Variants in SAP30BP observed in about 807,000 individuals in gnomAD.
The protein encoded by SAP30BP is SAP30 binding protein.
A neutral mutation model predicts 46.3 loss-of-function variants in SAP30BP; 31 were observed. The observed-to-expected ratio is 0.67, with a 90% CI of 0.50 to 0.90. The LOEUF (loss-of-function observed/expected upper bound fraction) is 0.90, where lower values mean the gene tolerates loss of function less well. Ranked by LOEUF, SAP30BP falls within the 40% of genes least tolerant of loss-of-function variation. SAP30BP has a pLI of 0.00. For synonymous variants in SAP30BP, 169 were observed against 144.2 expected, an observed-to-expected ratio of 1.17 and a Z score of -1.23; for missense variants, 312 against 391.0, an observed-to-expected ratio of 0.80 and a Z score of 1.70.
At chr17:75,687,917 G>GGGGTGTGTGT (rs557349211) in intron 3 of SAP30BP, among the ~76,000 whole-genome samples, 5 of 120,366 alleles carry the variant, frequency 4.2e-5, no homozygotes, top group African/African-American at 1.2e-4. Context: ...CAGTGTTTGG[G>GGGGTGTGTGT]GTGTGTGTGT....
chr17:75,691,598 G>A (rs370413186), intron 3 of SAP30BP: 3 of 414,052 alleles, frequency 7.2e-6, no homozygotes, highest in Non-Finnish European at 4.8e-6. Flanking sequence ...CTTTGGGGTA[G>A]ACATGGTAGA....
chr17:75,695,512 A>T (rs1329670037), intron 4 of SAP30BP, among the ~76,000 whole-genome samples: 2 of 152,160 alleles, frequency 1.3e-5, no homozygotes, highest in African/African-American at 2.4e-5. Flanking sequence ...TTACTGATTC[A>T]CCCATGAGGA....
chr17:75,673,169 A>C (rs1441253229), intron 3 of SAP30BP, among the ~76,000 whole-genome samples: 1 of 152,184 alleles, frequency 6.6e-6, no homozygotes, highest in Non-Finnish European at 1.5e-5. Context: ...TGAGTGAGAA[A>C]GATAAGAGTG....
intron 7 of SAP30BP, 178 bp downstream of exon 7, chr17:75,703,549 T>C (rs1337714014): frequency 1.5e-6 from 1 of 651,484 alleles, no homozygotes; most frequent in Non-Finnish European, 2.7e-6. Context: ...ATAAAGAGAT[T>C]CCGGTGGCCG....
In SAP30BP at chr17:75,706,327, G is replaced by A; in HGVS notation, c.746-13G>A. The A allele has an allele frequency of 6.2e-7, 1 of 1,610,874 alleles. No individual in the cohort carries two copies. Among genetic ancestry groups the A allele is most frequent in the Non-Finnish European group, 8.5e-7 (1 of 1,179,128 alleles). ...TTGGTGGATCGTGATCCTGATTTCT[G>A]CTTTATCTCCAGATGCTCAGAAGAG... On this transcript the variant is annotated splice_polypyrimidine_tract_variant and intron_variant, in intron 10 of 10. Coordinates refer to ENST00000584667, the MANE Select transcript of SAP30BP (RefSeq NM_013260.8). The surrounding 1 kb of genome is among the most constrained non-coding windows in gnomAD (Gnocchi z 4.6).
Position 75,706,377 on chromosome 17 carries a change from C to T in SAP30BP, c.783C>T (p.Ile261=). The T allele has an allele frequency of 6.2e-7, 1 of 1,614,038 alleles. No individual in the cohort carries two copies. Among genetic ancestry groups the T allele is most frequent in the Non-Finnish European group, 8.5e-7 (1 of 1,180,032 alleles). ...QKRKSKWDSA[I]PVTTIAQPTI... is the part of the protein sequence containing the mutation. ...GAAAGAGCAAGTGGGATTCGGCTAT[C>T]CCAGTGACAACGATAGCCCAGCCCA... is the stretch of plus-strand genomic sequence containing the variant. Residue 261 remains isoleucine (I), a synonymous_variant, in exon 11 of 11, where the codon ATC becomes ATT. Transcript: ENST00000584667. The surrounding 1 kb of genome is among the most constrained non-coding windows in gnomAD (Gnocchi z 4.6).
intron 4 of SAP30BP, among the ~76,000 whole-genome samples, chr17:75,695,321 T>A (rs1340623382): frequency 6.6e-6 from 1 of 152,214 alleles, no homozygotes; most frequent in Non-Finnish European, 1.5e-5. Context: ...CATTGCCAAA[T>A]GTCCCCTTGG....
intron 4 of SAP30BP, among the ~76,000 whole-genome samples, chr17:75,695,512 A>G (rs1329670037): frequency 6.6e-6 from 1 of 152,160 alleles, no homozygotes; most frequent in Non-Finnish European, 1.5e-5. Context: ...TTACTGATTC[A>G]CCCATGAGGA....
chr17:75,680,439 C>G (rs1204015836), intron 3 of SAP30BP, among the ~76,000 whole-genome samples: 2 of 152,180 alleles, frequency 1.3e-5, no homozygotes, highest in African/African-American at 4.8e-5. Flanking sequence ...CTGGGTTGTG[C>G]CCTGGCCTGG....
intron 3 of SAP30BP, among the ~76,000 whole-genome samples, chr17:75,672,586 C>T (rs1051482412): frequency 6.6e-6 from 1 of 151,974 alleles, no homozygotes; most frequent in African/African-American, 2.4e-5. Flanking sequence ...GGAAAAACTT[C>T]CCCCCTGTAC....
intron 6 of SAP30BP, 38 bp downstream of exon 6, chr17:75,702,609 T>C (rs749009121): frequency 1.5e-5 from 16 of 1,047,884 alleles, no homozygotes; most frequent in African/African-American, 4.7e-5. Flanking sequence ...TATTGAGTTA[T>C]TAATGTTGGA....
chr17:75,684,252 C>G (rs1415138727), intron 3 of SAP30BP, among the ~76,000 whole-genome samples: 1 of 152,204 alleles, frequency 6.6e-6, no homozygotes, highest in African/African-American at 2.4e-5. Flanking sequence ...TAATGTCTAC[C>G]TCATAGGGTT....
At chr17:75,669,121 T>G (rs556236782) in intron 2 of SAP30BP, among the ~76,000 whole-genome samples, 58 of 152,224 alleles carry the variant, frequency 3.8e-4, no homozygotes, top group Middle Eastern at 6.8e-3. Context: ...CTGTCCAGAT[T>G]GGAGTGCAGT....
chr17:75,672,762 G>C (rs1287989013), intron 3 of SAP30BP, among the ~76,000 whole-genome samples: 1 of 152,068 alleles, frequency 6.6e-6, no homozygotes, highest in South Asian at 2.1e-4. Flanking sequence ...TTCAAGACCA[G>C]CCTGGCCAGT....
rs1287087489 is a variant in SAP30BP, at chr17:75,674,690, G to GTTTTTTTTTTTTTTTTTT, written c.264+2833_264+2834insTTTTTTTTTTTTTTTTTT. Among the ~76,000 whole-genome samples the GTTTTTTTTTTTTTTTTTT allele has an allele frequency of 1.2e-3, 49 of 39,574 alleles. 8 individuals are homozygous for GTTTTTTTTTTTTTTTTTT. Among genetic ancestry groups the GTTTTTTTTTTTTTTTTTT allele is most frequent in the African/African-American group, 3.0e-3 (46 of 15,108 alleles). The allele number at this position is 39,574 out of a possible 152,430, so 26.0% of individuals were successfully genotyped here. A position where few individuals can be genotyped will look rare whatever the true frequency, so the allele number is the denominator to read the frequency against. On this transcript the variant is annotated intron_variant, in intron 3 of 10. Transcript: ENST00000584667. ...TTAAGCATATGAAGTTTTTTTGTTTGTTTTTTGTTTTTTTTTTTTTTTTTT... is the reference window on the plus strand; with the variant it reads ...TTAAGCATATGAAGTTTTTTTGTTTGTTTTTTTTTTTTTTTTTTTTTTTTGTTTTTTTTTTTTTTTTTT...
chr17:75,690,401 TG>T (rs2060224364), intron 3 of SAP30BP, among the ~76,000 whole-genome samples: 1 of 152,224 alleles, frequency 6.6e-6, no homozygotes, highest in African/African-American at 2.4e-5. Flanking sequence ...AAAGCAGCTC[TG>T]GGGTATTTCA....
intron 3 of SAP30BP, chr17:75,690,590 A>G (rs2060227086): frequency 2.3e-6 from 1 of 434,014 alleles, no homozygotes; most frequent in Non-Finnish European, 4.6e-6. Context: ...AAGTGCTGGG[A>G]TTACAGGCGT....
chr17:75,670,529 T>A (rs2059893202), intron 2 of SAP30BP, among the ~76,000 whole-genome samples: 1 of 152,236 alleles, frequency 6.6e-6, no homozygotes, highest in Admixed American at 6.5e-5. Flanking sequence ...TTTTCTTTAG[T>A]ACGTTTGCAT....
intron 5 of SAP30BP, among the ~76,000 whole-genome samples, chr17:75,701,056 C>T (rs1277982649): frequency 6.6e-6 from 1 of 152,192 alleles, no homozygotes; most frequent in Non-Finnish European, 1.5e-5. Flanking sequence ...AGAGGTTCTT[C>T]AGTCTCGGCT....
Sources: gnomAD v4.1 joint callset for allele counts (sites outside exome capture counted in the v4.1 genomes callset) on GRCh38, gnomAD v4.1.1 for gene constraint, Gnocchi (gnomAD v3.1) non-coding constraint, MANE v1.5 for transcripts, NCBI Gene and HGNC (gene_info 2026-07-23, HGNC 2026-07-21) for gene names.